Variants in KCNB2 observed in about 807,000 individuals in gnomAD.
KCNB2 encodes the protein delayed rectifier potassium channel protein.
Under a neutral mutation model 61.5 loss-of-function variants are expected in KCNB2, and 15 were observed. That is an observed-to-expected ratio of 0.24 (90% confidence interval 0.16 to 0.38). The LOEUF is 0.38. Among genes scored for constraint, KCNB2 ranks in the 10% least tolerant of loss-of-function variants. The pLI is 1.00. For synonymous variants in KCNB2, 457 were observed against 446.0 expected (o/e 1.02, Z -0.31); for missense variants, 828 against 1,125.2 (o/e 0.74, Z 3.78).
chr8:72,763,671 T>C (rs1027009883), intron 2 of KCNB2, among the ~76,000 whole-genome samples: 7 of 152,170 alleles, frequency 4.6e-5, no homozygotes, highest in African/African-American at 1.7e-4. Context: ...ATAGTTTCCA[T>C]TGATAAAAAC....
intron 2 of KCNB2, among the ~76,000 whole-genome samples, chr8:72,701,121 G>A (rs1563563889): frequency 6.6e-6 from 1 of 152,090 alleles, no homozygotes; most frequent in Non-Finnish European, 1.5e-5. Flanking sequence ...ACTGTTGGGT[G>A]CTATGCTCAT....
intron 2 of KCNB2, among the ~76,000 whole-genome samples, chr8:72,785,609 AT>A (rs574129583): frequency 9.9e-5 from 15 of 151,636 alleles, no homozygotes; most frequent in East Asian, 1.9e-4. Context: ...TTAATCAGGG[AT>A]TTTTTTTTGA....
At chr8:72,561,758 TATGG>T (rs1209825289) in intron 1 of KCNB2, among the ~76,000 whole-genome samples, 2,468 of 25,682 alleles carry the variant, frequency 0.096, 456 homozygotes, top group African/African-American at 0.4. Context: ...TATATATATA[TATGG>T]ATATATATAT....
intron 2 of KCNB2, among the ~76,000 whole-genome samples, chr8:72,852,054 G>A (rs1397887885): frequency 6.1e-5 from 9 of 146,708 alleles, no homozygotes; most frequent in Admixed American, 2.8e-4. Context: ...GGCCAGCAGA[G>A]GGAGACCCTG....
chr8:72,760,867 A>G (rs936374339), intron 2 of KCNB2, among the ~76,000 whole-genome samples: 1 of 152,164 alleles, frequency 6.6e-6, no homozygotes, highest in Non-Finnish European at 1.5e-5. Context: ...AATTATTTCT[A>G]CTGTCAGACC....
intron 1 of KCNB2, among the ~76,000 whole-genome samples, chr8:72,552,872 A>AT (rs949571789): frequency 3.0e-4 from 45 of 149,614 alleles, no homozygotes; most frequent in East Asian, 2.9e-3. Context: ...CCCAGGCAGG[A>AT]TTTTTTTTTT....
chr8:72,625,495 A>G (rs894892204), intron 2 of KCNB2, among the ~76,000 whole-genome samples: 16 of 152,128 alleles, frequency 1.1e-4, no homozygotes, highest in African/African-American at 3.4e-4. Flanking sequence ...CAGTGGCGCA[A>G]TCACAGCTCA....
At chr8:72,800,013 G>T (rs1234524184) in intron 2 of KCNB2, among the ~76,000 whole-genome samples, 1 of 152,130 alleles carries the variant, frequency 6.6e-6, no homozygotes, top group East Asian at 1.9e-4. Context: ...CCAGAGCACG[G>T]TGGGCCTTGA....
At chr8:72,601,325 T>C in intron 2 of KCNB2, among the ~76,000 whole-genome samples, 1 of 152,204 alleles carries the variant, frequency 6.6e-6, no homozygotes, top group East Asian at 1.9e-4. Flanking sequence ...AATTAAGTTG[T>C]TAATGTACAT....
chr8:72,696,265 A>G (rs1322130263), intron 2 of KCNB2, among the ~76,000 whole-genome samples: 1 of 152,188 alleles, frequency 6.6e-6, no homozygotes, highest in Admixed American at 6.6e-5. Flanking sequence ...TTTATAATCT[A>G]GCTGGGAGAT....
At chr8:72,566,725 A>G (rs1806631246) in intron 1 of KCNB2, among the ~76,000 whole-genome samples, 1 of 145,046 alleles carries the variant, frequency 6.9e-6, no homozygotes, top group Admixed American at 6.9e-5. Context: ...AAAAAAAAAA[A>G]GAAAGAAAGG....
At chr8:72,601,225 G>A (rs2128982522) in intron 2 of KCNB2, among the ~76,000 whole-genome samples, 1 of 152,230 alleles carries the variant, frequency 6.6e-6, no homozygotes, top group African/African-American at 2.4e-5. Context: ...CACCATTTGT[G>A]TTTATAACAT....
chr8:72,728,675 A>T (rs1807690604), intron 2 of KCNB2, among the ~76,000 whole-genome samples: 3 of 152,196 alleles, frequency 2.0e-5, no homozygotes, highest in Admixed American at 2.0e-4. Context: ...ACCTAAATTA[A>T]TAATTAATTT....
At chr8:72,684,727 C>T (rs1189573118) in intron 2 of KCNB2, among the ~76,000 whole-genome samples, 1 of 152,202 alleles carries the variant, frequency 6.6e-6, no homozygotes, top group Non-Finnish European at 1.5e-5. Context: ...ACAGTTAAAA[C>T]AGACTATCAC....
intron 2 of KCNB2, among the ~76,000 whole-genome samples, chr8:72,885,713 TCCTG>T (rs891394048): frequency 5.3e-5 from 8 of 152,130 alleles, no homozygotes; most frequent in Non-Finnish European, 8.8e-5. Flanking sequence ...TCCCTCTTTC[TCCTG>T]CCTTTTTCCT....
intron 2 of KCNB2, among the ~76,000 whole-genome samples, chr8:72,717,380 G>A (rs1232220750): frequency 6.6e-6 from 1 of 152,138 alleles, no homozygotes; most frequent in African/African-American, 2.4e-5. Flanking sequence ...AAAGAACAAA[G>A]CTGGAGGCAT....
At chr8:72,846,987 G>T (rs1362455254) in intron 2 of KCNB2, among the ~76,000 whole-genome samples, 1 of 152,164 alleles carries the variant, frequency 6.6e-6, no homozygotes, top group Non-Finnish European at 1.5e-5. Flanking sequence ...ATTCACAATA[G>T]CAAAGACTTG....
intron 2 of KCNB2, among the ~76,000 whole-genome samples, chr8:72,860,574 G>A (rs1306679890): frequency 5.9e-5 from 9 of 152,128 alleles, no homozygotes; most frequent in African/African-American, 2.2e-4. Context: ...TTGGCTTTTT[G>A]GCCTTTCCTG....
intron 2 of KCNB2, among the ~76,000 whole-genome samples, chr8:72,702,749 C>A (rs1807154678): frequency 6.6e-6 from 1 of 152,182 alleles, no homozygotes; most frequent in African/African-American, 2.4e-5. Context: ...TTAAGGGAAT[C>A]CTTTCAGCCT....
Sources: gnomAD v4.1 joint callset for allele counts (sites outside exome capture counted in the v4.1 genomes callset) on GRCh38, gnomAD v4.1.1 for gene constraint, MANE v1.5 for transcripts, NCBI Gene and HGNC (gene_info 2026-07-23, HGNC 2026-07-21) for gene names.